Variants in CFAP52 observed in about 807,000 individuals in gnomAD.
CFAP52 encodes the protein cilia and flagella associated protein 52, also known as cilia- and flagella-associated protein 52.
CFAP52 carries 57 observed loss-of-function variants against 70.5 expected under a neutral mutation model. The observed-to-expected ratio is 0.81, with a 90% CI of 0.65 to 1.01. The LOEUF (loss-of-function observed/expected upper bound fraction) is 1.01. CFAP52 is among the 50% of genes least tolerant of loss of function. CFAP52 has a pLI of 0.00. For synonymous variants in CFAP52, 267 were observed against 292.5 expected (o/e 0.91, Z 0.89); for missense variants, 785 against 788.5 (o/e 1.00, Z 0.05).
chr17:9,583,957 C>A (rs944854868), intron 1 of CFAP52, among the ~76,000 whole-genome samples: 2 of 152,282 alleles, frequency 1.3e-5, no homozygotes, highest in South Asian at 2.1e-4. Context: ...CCAGGGGAGA[C>A]AATAAACTAG....
rs761864975 is a variant in CFAP52 at position 9,638,617 on chromosome 17, G to A, written c.1481G>A (p.Arg494Lys). ...TCIIWDLVRL[R>K]RNQMILANTL... ...TTGAATCTACTTTCCAGGCGTCTCA[G>A]GAGGAATCAGATGATACTAGCCAAC... Residue 494 changes from arginine to lysine, a missense_variant, in exon 12 of 14, where the codon AGG becomes AAG. Physicochemically the swap from Arg to Lys is conservative, Grantham distance 26. Transcript: ENST00000352665. 1.1e-5 allele frequency: 17 copies of A among 1,614,014 alleles called. No homozygotes were observed. The East Asian group carries it at 3.3e-4, about 32-fold the overall frequency.
intron 6 of CFAP52, among the ~76,000 whole-genome samples, chr17:9,603,668 C>A (rs1377730752): frequency 1.3e-5 from 2 of 152,202 alleles, no homozygotes; most frequent in Non-Finnish European, 2.9e-5. Flanking sequence ...CACAGAGGGG[C>A]AAAAGACTCC....
chr17:9,627,908 T>A (rs1433793505), intron 8 of CFAP52, among the ~76,000 whole-genome samples: 2 of 152,082 alleles, frequency 1.3e-5, no homozygotes, highest in Non-Finnish European at 2.9e-5. Context: ...TTTTTATTTT[T>A]TGGGGAGGCA....
intron 8 of CFAP52, among the ~76,000 whole-genome samples, chr17:9,627,846 A>G (rs986032327): frequency 6.6e-6 from 1 of 151,888 alleles, no homozygotes; most frequent in East Asian, 1.9e-4. Flanking sequence ...TCAGCCTCCT[A>G]AGAAGCCAGG....
chr17:9,584,291 C>G, intron 1 of CFAP52: 2 of 1,288,180 alleles, frequency 1.6e-6, no homozygotes, highest in Non-Finnish European at 1.0e-6. Flanking sequence ...GTAGTGTTAC[C>G]TTGGCAGATA....
Position 9,586,727 on chromosome 17 carries a change from C to T in CFAP52, c.300C>T (p.Asn100=). Residue 100 remains asparagine, a synonymous_variant, in exon 3 of 14, where the codon AAC becomes AAT. Transcript: ENST00000352665. ...KADIILWDYK[N]RELLARLSLH... ...ACATCATTTTGTGGGATTATAAGAACAGAGAGCTGCTTGCTCGGCTGTCCC... is the reference window on the plus strand; with the variant it reads ...ACATCATTTTGTGGGATTATAAGAATAGAGAGCTGCTTGCTCGGCTGTCCC... 6.2e-7 allele frequency: 1 copy of T among 1,613,296 alleles called. No homozygotes were observed. The highest frequency in any genetic ancestry group is 1.7e-5 in the Admixed American group (1 of 59,790).
In CFAP52 at chr17:9,643,400, A is replaced by G. The variant is rs560999210; in HGVS notation, c.*202A>G. ...GTATGTTCAAGAATAATTTGTGCAG[A>G]CTCTAATTAGAACTTTTAACATTTT... is the stretch of plus-strand genomic sequence containing the variant. On this transcript the variant is annotated 3_prime_UTR_variant, in exon 14 of 14. Coordinates refer to ENST00000352665, the MANE Select transcript of CFAP52 (RefSeq NM_145054.5). 6 of 434,614 alleles carry G rather than the reference A, an allele frequency of 1.4e-5. No individual in the cohort carries two copies. In the South Asian group the frequency reaches 5.1e-4, roughly 37 times the overall value. The allele number at this position is 434,614 out of a possible 1,614,324, so 26.9% of individuals were successfully genotyped here.
chr17:9,638,652 C>T lies in CFAP52; in HGVS notation c.1516C>T (p.Gln506Ter). The change falls in exon 12 of 14, where the codon CAG (glutamine) becomes TAG (stop). Residue 506 changes from glutamine (Q) to a stop codon, truncating the protein, a stop_gained. Coordinates refer to ENST00000352665, the MANE Select transcript of CFAP52 (RefSeq NM_145054.5). LOFTEE classifies it high-confidence loss of function. The part of the protein sequence containing the change: ...NQMILANTLF[Q>*]CVCYHPEEFQ... ...GATGATACTAGCCAACACCTTATTCCAGTGTGTGTGCTATCACCCTGAGGA... is the reference window on the plus strand; with the variant it reads ...GATGATACTAGCCAACACCTTATTCTAGTGTGTGTGCTATCACCCTGAGGA... 1.2e-6 allele frequency: 2 copies of T among 1,614,172 alleles called. No individual in the cohort carries two copies. Among genetic ancestry groups the T allele is most frequent in the Non-Finnish European group, 1.7e-6 (2 of 1,180,036 alleles).
At chr17:9,639,924 G>T (rs888835796) in intron 12 of CFAP52, among the ~76,000 whole-genome samples, 2 of 152,218 alleles carry the variant, frequency 1.3e-5, no homozygotes, top group African/African-American at 2.4e-5. Context: ...AGGCAGTCAA[G>T]TTCCAACTAC....
chr17:9,595,983 CTATA>C (rs1256282667), intron 4 of CFAP52, among the ~76,000 whole-genome samples: 48 of 140,000 alleles, frequency 3.4e-4, no homozygotes, highest in African/African-American at 1.3e-3. Flanking sequence ...AAAAGAAAAA[CTATA>C]TATATACATA....
intron 7 of CFAP52, among the ~76,000 whole-genome samples, chr17:9,612,015 A>G (rs528088239): frequency 6.6e-6 from 1 of 152,350 alleles, no homozygotes; most frequent in East Asian, 1.9e-4. Context: ...TTGTACCCAT[A>G]TGCCTGCCTG....
chr17:9,592,335 G>C (rs978303423), intron 3 of CFAP52, among the ~76,000 whole-genome samples: 3 of 152,054 alleles, frequency 2.0e-5, no homozygotes, highest in East Asian at 1.9e-4. Flanking sequence ...GCGTGGTGGT[G>C]GTGGGCCCCT....
intron 8 of CFAP52, among the ~76,000 whole-genome samples, chr17:9,622,551 A>T (rs939049866): frequency 2.6e-5 from 4 of 151,596 alleles, no homozygotes; most frequent in Admixed American, 6.6e-5. Flanking sequence ...TATTAAAAAA[A>T]AAAGAAGAAG....
downstream of CFAP52, chr17:9,644,664 T>C (rs1422719690): frequency 6.6e-6 from 1 of 152,086 alleles, no homozygotes; most frequent in African/African-American, 2.4e-5. Flanking sequence ...TGGGCAATCA[T>C]TCAACAAGGA....
At chr17:9,638,343 G>A (rs531481836) in intron 11 of CFAP52, among the ~76,000 whole-genome samples, 30 of 152,192 alleles carry the variant, frequency 2.0e-4, no homozygotes, top group African/African-American at 6.3e-4. Context: ...ATTGAGTTTC[G>A]TGCTCTGTCT....
intron 4 of CFAP52, among the ~76,000 whole-genome samples, chr17:9,596,063 A>ATATG: frequency 2.0e-5 from 1 of 48,958 alleles, no homozygotes; most frequent in South Asian, 7.0e-4. Context: ...GTGTGTGTAT[A>ATATG]TATATATATA....
chr17:9,589,251 T>C (rs1425322311), intron 3 of CFAP52, among the ~76,000 whole-genome samples: 1 of 152,222 alleles, frequency 6.6e-6, no homozygotes, highest in Admixed American at 6.5e-5. Context: ...CACTTCTATG[T>C]ATATTTTCTT....
chr17:9,641,280 C>T (rs368437264), intron 12 of CFAP52, among the ~76,000 whole-genome samples: 4 of 152,186 alleles, frequency 2.6e-5, no homozygotes, highest in South Asian at 2.1e-4. Flanking sequence ...AGAGGGAGGG[C>T]GCAGTCCCAG....
intron 12 of CFAP52, 161 bp downstream of exon 12, chr17:9,638,872 G>A (rs1485733999): frequency 4.7e-6 from 3 of 641,144 alleles, no homozygotes; most frequent in Non-Finnish European, 5.5e-6. Flanking sequence ...TCACCTTCCA[G>A]TGTCTTCACT....
Sources: allele counts gnomAD v4.1 joint callset (sites outside exome capture counted in the v4.1 genomes callset), GRCh38; gene constraint gnomAD v4.1.1; transcripts MANE v1.5; gene names NCBI Gene and HGNC (gene_info 2026-07-23, HGNC 2026-07-21).